The following SGCD variants were observed in gnomAD, a reference collection of about 807,000 sequenced individuals.
The protein encoded by SGCD is sarcoglycan delta, also known as delta-sarcoglycan.
Under a neutral mutation model 36.6 loss-of-function variants are expected in SGCD, and 18 were observed. The observed-to-expected ratio is 0.49, with a 90% CI of 0.34 to 0.73. The LOEUF (loss-of-function observed/expected upper bound fraction) is 0.73. SGCD is among the 30% of genes least tolerant of loss of function. The pLI is 0.01. For synonymous variants in SGCD, 133 were observed against 130.6 expected (o/e 1.02, Z -0.12); for missense variants, 387 against 346.7 (o/e 1.12, Z -0.92).
At chr5:156,406,819 TACACACACACACACAC>T (rs58920671) in intron 3 of SGCD, among the ~76,000 whole-genome samples, 28 of 104,268 alleles carry the variant, frequency 2.7e-4, no homozygotes, top group East Asian at 6.8e-4. Flanking sequence ...TATATATATA[TACACACACACACACAC>T]ACACACATAT....
At chr5:156,704,720 C>T (rs927561805) in intron 7 of SGCD, among the ~76,000 whole-genome samples, 12 of 152,002 alleles carry the variant, frequency 7.9e-5, no homozygotes, top group Non-Finnish European at 1.2e-4. Flanking sequence ...ATGGTATCTT[C>T]GTTTTATATT....
intron 1 of SGCD, among the ~76,000 whole-genome samples, chr5:156,073,637 A>G (rs10476276): frequency 0.23 from 34,602 of 152,124 alleles, 4,587 homozygotes; most frequent in African/African-American, 0.36. Context: ...TAATTGGGTG[A>G]CATAATTAGA....
chr5:155,995,866 A>G (rs1203060700), intron 1 of SGCD, among the ~76,000 whole-genome samples: 1 of 151,648 alleles, frequency 6.6e-6, no homozygotes, highest in African/African-American at 2.4e-5. Flanking sequence ...ACCTGAGGAA[A>G]TTTTCTGGGG....
In SGCD at chr5:156,185,436, G is replaced by A. The variant is rs113144586; in HGVS notation, c.-44+61417G>A. 3.2e-3 allele frequency among the ~76,000 whole-genome samples: 483 copies of A among 151,906 alleles called. 1 individual carries two copies. Among genetic ancestry groups the A allele is most frequent in the African/African-American group, 8.0e-3 (332 of 41,438 alleles). ...TCACCACGTTAGCCAGGATGGTCTC[G>A]ATCTCCTGACCTTGTGATCCGCCCG... On this transcript the variant is annotated intron_variant, in intron 3 of 9. Coordinates refer to the SGCD transcript ENST00000517913.
rs567879021 is a variant in SGCD, at chr5:156,424,752, G to A, written c.192+80075G>A. Among the ~76,000 whole-genome samples, 131 of 152,138 alleles carry A rather than the reference G, an allele frequency of 8.6e-4. No individual in the cohort carries two copies. The Middle Eastern group carries it at 0.01, about 12-fold the overall frequency. Reference sequence around the variant, plus strand: ...CATGACTTTCTTCCAGCAAAAGGACGCTAAGCACAATCAGCAGAGGAAAAA... The same window carrying A: ...CATGACTTTCTTCCAGCAAAAGGACACTAAGCACAATCAGCAGAGGAAAAA... On this transcript the variant is annotated intron_variant, in intron 3 of 8. Coordinates refer to ENST00000337851, the MANE Select transcript of SGCD (RefSeq NM_000337.6).
intron 1 of SGCD, among the ~76,000 whole-genome samples, chr5:155,946,098 A>G (rs191025430): frequency 9.2e-5 from 14 of 152,310 alleles, no homozygotes; most frequent in Middle Eastern, 3.4e-3. Context: ...TTCACATTCC[A>G]CTGGGTGGCT....
chr5:155,796,526 G>A, the SGCD span, among the ~76,000 whole-genome samples: 274 of 151,752 alleles, frequency 1.8e-3, no homozygotes, highest in Middle Eastern at 0.01. Context: ...TGATTCGGCC[G>A]GGCGCGGTGG....
At position 156,201,099 on chromosome 5, in the gene SGCD, A is replaced by G. The variant is rs188445310; in HGVS notation, c.-44+77080A>G. Among the ~76,000 whole-genome samples the G allele has an allele frequency of 2.0e-5, 3 of 152,308 alleles. No homozygotes were observed. In the East Asian group the frequency reaches 5.8e-4, roughly 29 times the overall value. ...ATTGCTGAGGGCTGAGGCAGGGAGA[A>G]GGAATTATTGATTGATGGGCGTAGA... On this transcript the variant is annotated intron_variant, in intron 3 of 9. Transcript: ENST00000517913.
intron 1 of SGCD, among the ~76,000 whole-genome samples, chr5:155,940,166 C>T (rs1349494582): frequency 6.6e-6 from 1 of 152,150 alleles, no homozygotes; most frequent in Non-Finnish European, 1.5e-5. Context: ...TCTCTAGATT[C>T]CCCAAAAATC....
At chr5:156,656,083 A>G (rs1763663400) in intron 7 of SGCD, among the ~76,000 whole-genome samples, 1 of 152,186 alleles carries the variant, frequency 6.6e-6, no homozygotes, top group Non-Finnish European at 1.5e-5. Context: ...AAAGAGAGAA[A>G]GTTATATAGA....
At chr5:156,272,756 C>G (rs1171606250) in intron 3 of SGCD, among the ~76,000 whole-genome samples, 1 of 152,164 alleles carries the variant, frequency 6.6e-6, no homozygotes, top group Non-Finnish European at 1.5e-5. Flanking sequence ...CAACATAACA[C>G]CAGTTATCTT....
intron 1 of SGCD, among the ~76,000 whole-genome samples, chr5:155,888,681 T>C (rs982672639): frequency 2.0e-5 from 3 of 152,212 alleles, no homozygotes; most frequent in African/African-American, 7.2e-5. Flanking sequence ...TGTGTCTCTA[T>C]CTTCAGATGA....
chr5:155,851,547 G>T, the SGCD span, among the ~76,000 whole-genome samples: 1 of 152,286 alleles, frequency 6.6e-6, no homozygotes, highest in East Asian at 1.9e-4. Flanking sequence ...CTTATGGGTA[G>T]TGGTGACTTT....
intron 3 of SGCD, among the ~76,000 whole-genome samples, chr5:156,402,332 A>C (rs967341075): frequency 4.6e-5 from 7 of 152,196 alleles, no homozygotes; most frequent in Non-Finnish European, 1.5e-5. Flanking sequence ...TTATCTTCTT[A>C]GTTAAAATAA....
At chr5:155,827,429 C>T in the SGCD span, among the ~76,000 whole-genome samples, 18 of 152,086 alleles carry the variant, frequency 1.2e-4, no homozygotes, top group African/African-American at 4.3e-4. Flanking sequence ...GCCTCATGTT[C>T]CAGTGTGGCT....
At chr5:156,579,821 T>C (rs1352556367) in intron 4 of SGCD, among the ~76,000 whole-genome samples, 1 of 152,160 alleles carries the variant, frequency 6.6e-6, no homozygotes, top group East Asian at 1.9e-4. Context: ...GCACGTGAGG[T>C]GGGTCTCCTG....
intron 1 of SGCD, among the ~76,000 whole-genome samples, chr5:155,915,035 A>C (rs2113364341): frequency 6.6e-6 from 1 of 152,320 alleles, no homozygotes; most frequent in South Asian, 2.1e-4. Context: ...ACCTTTGAGC[A>C]TGTGGTGTAA....
chr5:156,634,191 A>C (rs970407251), intron 6 of SGCD, among the ~76,000 whole-genome samples: 3 of 151,548 alleles, frequency 2.0e-5, no homozygotes, highest in Admixed American at 6.6e-5. Context: ...CTATTGCTTT[A>C]AGGCAGTTTC....
chr5:155,830,118 A>G, the SGCD span, among the ~76,000 whole-genome samples: 3 of 152,190 alleles, frequency 2.0e-5, no homozygotes, highest in Admixed American at 6.5e-5. Context: ...TCTGTTTTCC[A>G]GGGAATTACA....
Sources: allele counts gnomAD v4.1 joint callset (sites outside exome capture counted in the v4.1 genomes callset), GRCh38; gene constraint gnomAD v4.1.1; transcripts MANE v1.5; gene names NCBI Gene and HGNC (gene_info 2026-07-23, HGNC 2026-07-21).